WWOX: variants seen among roughly 807,000 people sequenced by gnomAD.
WWOX encodes WW domain-containing oxidoreductase.
In WWOX, 69 loss-of-function variants were observed where a neutral mutation model predicts 46.2. The ratio of observed to expected loss-of-function variants is 1.49; its 90% CI spans 1.23 to 1.82. The LOEUF is 1.82. WWOX is among the 40% of genes most tolerant of loss of function. The probability of loss-of-function intolerance (pLI) is 0.00; values close to 1 mark genes in which losing one functional copy is unlikely to be tolerated. For missense variants in WWOX, 919 were observed against 542.6 expected (o/e 1.69, Z -6.89); for synonymous variants, 359 against 202.6 (o/e 1.77, Z -6.56).
At chr16:78,488,533 T>C (rs989946648) in intron 8 of WWOX, among the ~76,000 whole-genome samples, 3 of 152,192 alleles carry the variant, frequency 2.0e-5, no homozygotes, top group Non-Finnish European at 1.5e-5. Flanking sequence ...CATCTGCACA[T>C]GAGCAGACTG....
chr16:78,788,234 A>C (rs928052479), intron 8 of WWOX, among the ~76,000 whole-genome samples: 1 of 152,314 alleles, frequency 6.6e-6, no homozygotes, highest in Non-Finnish European at 1.5e-5. Flanking sequence ...CCAAGGACAT[A>C]AACATTTACT....
At chr16:78,261,263 GTAGA>G (rs74864922) in intron 5 of WWOX, among the ~76,000 whole-genome samples, 20,818 of 147,790 alleles carry the variant, frequency 0.14, 1,878 homozygotes, top group Admixed American at 0.16. Flanking sequence ...GTGTGGTAAG[GTAGA>G]TAGATAGATA....
intron 5 of WWOX, among the ~76,000 whole-genome samples, chr16:78,264,105 G>A (rs150649660): frequency 1.4e-5 from 2 of 144,614 alleles, no homozygotes; most frequent in Admixed American, 7.1e-5. Context: ...ATATTGTAAC[G>A]GTGATCACTT....
intron 8 of WWOX, among the ~76,000 whole-genome samples, chr16:78,974,938 A>C (rs1202751561): frequency 6.6e-6 from 1 of 152,116 alleles, no homozygotes; most frequent in Non-Finnish European, 1.5e-5. Flanking sequence ...GAATTTAATG[A>C]GGCCTCTCCG....
intron 8 of WWOX, among the ~76,000 whole-genome samples, chr16:79,176,491 A>C (rs974144312): frequency 2.6e-5 from 4 of 152,228 alleles, no homozygotes; most frequent in African/African-American, 9.6e-5. Flanking sequence ...CACAGGAGCT[A>C]CTTGAGGATA....
intron 8 of WWOX, among the ~76,000 whole-genome samples, chr16:79,184,205 C>T (rs930154594): frequency 3.9e-5 from 6 of 152,164 alleles, no homozygotes; most frequent in Admixed American, 3.3e-4. Flanking sequence ...TTCATTGAGT[C>T]AGATGCAGTT....
At chr16:78,453,403 C>G (rs1375357177) in intron 8 of WWOX, among the ~76,000 whole-genome samples, 2 of 146,570 alleles carry the variant, frequency 1.4e-5, no homozygotes, top group African/African-American at 2.5e-5. Context: ...AGCCTGGGCG[C>G]ATGAGCGAGA....
chr16:79,035,580 C>G (rs1186303169), intron 8 of WWOX, among the ~76,000 whole-genome samples: 1 of 152,152 alleles, frequency 6.6e-6, no homozygotes, highest in Non-Finnish European at 1.5e-5. Context: ...ACTCTATCAT[C>G]CAGGCTGGAG....
chr16:78,304,316 T>C (rs1254798375), intron 5 of WWOX, among the ~76,000 whole-genome samples: 1 of 152,224 alleles, frequency 6.6e-6, no homozygotes, highest in African/African-American at 2.4e-5. Flanking sequence ...AAATTTTAAT[T>C]AGGTTAATGC....
intron 5 of WWOX, among the ~76,000 whole-genome samples, chr16:78,172,272 C>T (rs1339765371): frequency 6.6e-6 from 1 of 152,186 alleles, no homozygotes; most frequent in Non-Finnish European, 1.5e-5. Flanking sequence ...GCCAAGGAAG[C>T]TCTTTCCTTC....
At chr16:78,980,481 C>G (rs969146208) in intron 8 of WWOX, among the ~76,000 whole-genome samples, 14 of 152,126 alleles carry the variant, frequency 9.2e-5, no homozygotes, top group Admixed American at 2.6e-4. Context: ...TTAATTGTGC[C>G]GCAGTTAATT....
At chr16:78,596,881 C>T (rs181007154) in intron 8 of WWOX, among the ~76,000 whole-genome samples, 2 of 152,286 alleles carry the variant, frequency 1.3e-5, no homozygotes, top group Admixed American at 1.3e-4. Flanking sequence ...CACACACACA[C>T]AATCAGCCAG....
chr16:78,917,329 T>C (rs1265063264), intron 8 of WWOX, among the ~76,000 whole-genome samples: 2 of 152,196 alleles, frequency 1.3e-5, no homozygotes, highest in Non-Finnish European at 2.9e-5. Context: ...GGTTCTGTGG[T>C]GTCCCACACT....
At chr16:78,682,616 C>T (rs140892186) in intron 8 of WWOX, among the ~76,000 whole-genome samples, 1 of 152,034 alleles carries the variant, frequency 6.6e-6, no homozygotes, top group Non-Finnish European at 1.5e-5. Context: ...TGGTGGTTCA[C>T]CCCTGTAATC....
At chr16:78,434,930 T>G (rs1216629053) in intron 8 of WWOX, among the ~76,000 whole-genome samples, 1 of 152,220 alleles carries the variant, frequency 6.6e-6, no homozygotes, top group Non-Finnish European at 1.5e-5. Flanking sequence ...TGCTAAAATA[T>G]AAAGTCAGGG....
At chr16:78,841,622 C>G (rs900909560) in intron 8 of WWOX, among the ~76,000 whole-genome samples, 5 of 152,094 alleles carry the variant, frequency 3.3e-5, no homozygotes, top group African/African-American at 9.7e-5. Context: ...AATACATTAA[C>G]AAAACTCTGG....
intron 8 of WWOX, among the ~76,000 whole-genome samples, chr16:79,059,444 C>G (rs758599255): frequency 6.6e-6 from 1 of 152,200 alleles, no homozygotes; most frequent in Non-Finnish European, 1.5e-5. Context: ...AGTAGAAACT[C>G]AACAGTGTTT....
chr16:78,325,173 T>C lies in WWOX; in HGVS notation c.517-61687T>C, dbSNP rs143476370. Among the ~76,000 whole-genome samples the C allele has an allele frequency of 8.4e-3, 1,272 of 152,322 alleles. 10 individuals carry two copies. Among genetic ancestry groups the C allele is most frequent in the Non-Finnish European group, 0.013 (881 of 68,020 alleles). On this transcript the variant is annotated intron_variant, in intron 5 of 8. Transcript: ENST00000566780. ...CACTGCTCAGAGGAACTGGTTCCTT[T>C]GAATCCTTTTCCGTCACCATGCAAA...
chr16:78,484,638 G>C (rs2084584713), intron 8 of WWOX, among the ~76,000 whole-genome samples: 1 of 152,210 alleles, frequency 6.6e-6, no homozygotes, highest in Non-Finnish European at 1.5e-5. Flanking sequence ...TTTGTGTGTA[G>C]AAGTTGAGTG....
Sources: allele counts gnomAD v4.1 joint callset (sites outside exome capture counted in the v4.1 genomes callset), GRCh38; gene constraint gnomAD v4.1.1; transcripts MANE v1.5; gene names NCBI Gene and HGNC (gene_info 2026-07-23, HGNC 2026-07-21).